SLC44A3: variants seen among roughly 807,000 people sequenced by gnomAD.
SLC44A3 encodes the protein choline transporter-like protein 3.
In SLC44A3, 74 loss-of-function variants were observed where a neutral mutation model predicts 75.4. The ratio of observed to expected loss-of-function variants is 0.98; its 90% CI spans 0.81 to 1.19. The LOEUF is 1.19. SLC44A3 is among the 50% of genes most tolerant of loss of function. The pLI is 0.00. For missense variants in SLC44A3, 700 were observed against 778.6 expected, an observed-to-expected ratio of 0.90 and a Z score of 1.20; for synonymous variants, 310 against 296.9, an observed-to-expected ratio of 1.04 and a Z score of -0.45.
chr1:94,858,425 G>A (rs1362262579), intron 10 of SLC44A3, among the ~76,000 whole-genome samples: 1 of 152,058 alleles, frequency 6.6e-6, no homozygotes, highest in Non-Finnish European at 1.5e-5. Flanking sequence ...ACACACCCCT[G>A]AACGCTTTAC....
intron 14 of SLC44A3, among the ~76,000 whole-genome samples, chr1:94,893,238 A>T (rs1266746672): frequency 6.6e-6 from 1 of 152,196 alleles, no homozygotes; most frequent in African/African-American, 2.4e-5. Flanking sequence ...TGCCATAAAA[A>T]TTAGGTGTTA....
At chr1:94,849,742 G>A (rs1400577742) in intron 9 of SLC44A3, among the ~76,000 whole-genome samples, 2 of 152,100 alleles carry the variant, frequency 1.3e-5, no homozygotes, top group African/African-American at 2.4e-5. Context: ...ATAGTTGTTT[G>A]TTTGTTTTTG....
intron 5 of SLC44A3, 152 bp downstream of exon 5, chr1:94,828,738 A>C: frequency 1.7e-6 from 1 of 600,714 alleles, no homozygotes; most frequent in East Asian, 2.8e-5. Context: ...AGCGATAAAA[A>C]CATGGAGGGA....
intron 5 of SLC44A3, among the ~76,000 whole-genome samples, chr1:94,832,143 G>A (rs776824206): frequency 3.9e-5 from 6 of 152,016 alleles, no homozygotes; most frequent in Non-Finnish European, 8.8e-5. Context: ...ACTCCAGCCT[G>A]GGTGACAAGA....
intron 2 of SLC44A3, among the ~76,000 whole-genome samples, chr1:94,821,714 A>G (rs1417164022): frequency 6.6e-6 from 1 of 152,342 alleles, no homozygotes; most frequent in East Asian, 1.9e-4. Flanking sequence ...CGACATTTTC[A>G]AAGGCCACTT....
intron 10 of SLC44A3, 70 bp downstream of exon 10, chr1:94,857,570 A>C: frequency 5.7e-6 from 8 of 1,413,660 alleles, no homozygotes; most frequent in Middle Eastern, 2.6e-4. Context: ...TTAATATCTC[A>C]AAAGATATTT....
At chr1:94,825,015 G>A (rs1661111948) in intron 3 of SLC44A3, among the ~76,000 whole-genome samples, 2 of 152,310 alleles carry the variant, frequency 1.3e-5, no homozygotes, top group Admixed American at 6.5e-5. Flanking sequence ...TCAGAATCAT[G>A]TTACCAATCG....
rs569325263 is a variant in SLC44A3 at position 94,875,803 on chromosome 1, T to G, written c.1482+8386T>G. On this transcript the variant is annotated intron_variant, in intron 12 of 14. Coordinates refer to ENST00000271227, the MANE Select transcript of SLC44A3 (RefSeq NM_001114106.3). ...CCATTTGTGTAAATCTGAGCCTTCT[T>G]TCATAAGTCTGAACTCCATGTAGAA... 2.0e-5 allele frequency among the ~76,000 whole-genome samples: 3 copies of G among 152,342 alleles called. No homozygotes were observed. The South Asian group carries it at 6.2e-4, about 32-fold the overall frequency.
intron 7 of SLC44A3, 135 bp downstream of exon 7, chr1:94,840,172 G>T (rs563037905): frequency 1.4e-6 from 1 of 712,766 alleles, no homozygotes; most frequent in Non-Finnish European, 2.3e-6. Context: ...CTTTACAAAT[G>T]AGAAAACTTG....
At chr1:94,865,904 A>G (rs1667116624) in intron 11 of SLC44A3, among the ~76,000 whole-genome samples, 1 of 152,254 alleles carries the variant, frequency 6.6e-6, no homozygotes, top group African/African-American at 2.4e-5. Context: ...ATTTAAAGTT[A>G]GTTTATCAAT....
intron 8 of SLC44A3, 128 bp from the exon 9 acceptor site, chr1:94,845,150 C>T: frequency 1.0e-6 from 1 of 984,356 alleles, no homozygotes; most frequent in Non-Finnish European, 1.5e-6. Context: ...AAAATTATAA[C>T]AAAGTAGTGA....
chr1:94,842,551 T>C (rs899001651), intron 8 of SLC44A3, among the ~76,000 whole-genome samples: 1 of 152,252 alleles, frequency 6.6e-6, no homozygotes, highest in South Asian at 2.1e-4. Flanking sequence ...TGGGTTATTT[T>C]GGTGTTCAGA....
rs1660406878 is a variant in SLC44A3, at chr1:94,820,553, C to G, written c.27+75C>G. 10 of 1,446,942 alleles carry G rather than the reference C, an allele frequency of 6.9e-6. No homozygotes were observed. In the South Asian group the frequency reaches 1.2e-4, roughly 17 times the overall value. The allele number at this position is 1,446,942 out of a possible 1,614,324, so 89.6% of individuals were successfully genotyped here. A position where few individuals can be genotyped will look rare whatever the true frequency, so the allele number is the denominator to read the frequency against. ...CGAGTCCCCCGCCTTCACGCACCTT[C>G]CCTGCCGGACGCTTCCGCCTTTCCC... On this transcript the variant is annotated intron_variant, in intron 1 of 14. Transcript: ENST00000271227.
At chr1:94,838,317 CT>C (rs1289495019) in intron 6 of SLC44A3, among the ~76,000 whole-genome samples, 1 of 152,236 alleles carries the variant, frequency 6.6e-6, no homozygotes, top group Non-Finnish European at 1.5e-5. Context: ...TGGAGTCAGA[CT>C]GCAAGGGCCT....
chr1:94,880,682 G>A (rs977299152), intron 12 of SLC44A3, among the ~76,000 whole-genome samples: 14 of 152,142 alleles, frequency 9.2e-5, no homozygotes, highest in Non-Finnish European at 2.1e-4. Flanking sequence ...AATATTTGAA[G>A]TATCTAAAGT....
At chr1:94,870,006 A>G (rs1667579410) in intron 12 of SLC44A3, among the ~76,000 whole-genome samples, 1 of 152,206 alleles carries the variant, frequency 6.6e-6, no homozygotes, top group South Asian at 2.1e-4. Context: ...TGCTTCTTAA[A>G]AGCCTAATCC....
rs557807134 is a variant in SLC44A3, at chr1:94,862,981, GGAGAGGTGGTAGGATGAC to G, written c.1239-1760_1239-1743del. Among the ~76,000 whole-genome samples the G allele has an allele frequency of 1.1e-4, 16 of 152,326 alleles. No individual in the cohort carries two copies. The East Asian group carries it at 3.1e-3, about 29-fold the overall frequency. ...AGGCACTAGCCCCACACACAGCAGG[GGAGAGGTGGTAGGATGAC>G]GTTACCTTTGAACATGGAAATGAGT... On this transcript the variant is annotated intron_variant, in intron 10 of 14. Coordinates refer to ENST00000271227, the MANE Select transcript of SLC44A3 (RefSeq NM_001114106.3).
chr1:94,888,637 C>CT lies in SLC44A3; in HGVS notation c.1483-2490dup, dbSNP rs1352555819. 2.0e-3 allele frequency: 1,894 copies of CT among 951,442 alleles called. 1 individual carries two copies. Among genetic ancestry groups the CT allele is most frequent in the African/African-American group, 0.011 (620 of 55,180 alleles). The allele number at this position is 951,442 out of a possible 1,614,324, so 58.9% of individuals were successfully genotyped here. A position where few individuals can be genotyped will look rare whatever the true frequency, so the allele number is the denominator to read the frequency against. ...CCAAAACCAAAATTTCCTTGTGGAA[C>CT]TTTCTTTTTTTTTTTTGCAGGAAAT... On this transcript the variant is annotated intron_variant, in intron 12 of 14. Coordinates refer to ENST00000271227, the MANE Select transcript of SLC44A3 (RefSeq NM_001114106.3).
intron 12 of SLC44A3, among the ~76,000 whole-genome samples, chr1:94,884,049 A>G (rs1669296239): frequency 6.6e-6 from 1 of 151,776 alleles, no homozygotes; most frequent in Non-Finnish European, 1.5e-5. Flanking sequence ...TTTTAAGATT[A>G]ACATGGAAAT....
Sources: allele counts gnomAD v4.1 joint callset (sites outside exome capture counted in the v4.1 genomes callset), GRCh38; gene constraint gnomAD v4.1.1; transcripts MANE v1.5; gene names NCBI Gene and HGNC (gene_info 2026-07-23, HGNC 2026-07-21).